The following EIF2AK4 variants were observed in gnomAD, a reference collection of about 807,000 sequenced individuals.
EIF2AK4 encodes the protein eIF-2-alpha kinase GCN2.
In EIF2AK4, 139 loss-of-function variants were observed where a neutral mutation model predicts 211.1. The ratio of observed to expected loss-of-function variants is 0.66; its 90% confidence interval spans 0.57 to 0.76. The LOEUF (loss-of-function observed/expected upper bound fraction) is 0.76, where lower values mean the gene tolerates loss of function less well. EIF2AK4 is among the 30% of genes least tolerant of loss of function. EIF2AK4 has a pLI of 0.00. For missense variants in EIF2AK4, 1,664 were observed against 2,043.8 expected (o/e 0.81, Z 3.58); for synonymous variants, 710 against 751.3 (o/e 0.94, Z 0.90).
In EIF2AK4 at chr15:39,973,593, T is replaced by A; in HGVS notation, c.1662T>A (p.Asp554Glu). 1 of 1,610,060 alleles carries A rather than the reference T, an allele frequency of 6.2e-7. No homozygotes were observed. Among genetic ancestry groups the A allele is most frequent in the Non-Finnish European group, 8.5e-7 (1 of 1,177,912 alleles). ...CTCTTACTCCCTGTTTTATCTCAGATTCTGAAGGACAAGATTATGTTGAGA... is the reference window on the plus strand; with the variant it reads ...CTCTTACTCCCTGTTTTATCTCAGAATCTGAAGGACAAGATTATGTTGAGA... ...KMPLVEQSPEDSEGQDYVETV... is the reference protein window; with the variant it reads ...KMPLVEQSPEESEGQDYVETV... The change falls in exon 11 of 39, where the codon GAT (aspartate) becomes GAA (glutamate). Residue 554 changes from aspartate (D) to glutamate (E), a missense_variant and splice_region_variant. Coordinates refer to ENST00000263791, the MANE Select transcript of EIF2AK4 (RefSeq NM_001013703.4).
In EIF2AK4 at chr15:40,003,420, C is replaced by T. The variant is rs937208232; in HGVS notation, c.3357+106C>T. ...CCCAGGCTTATATTATAAATGTCAC[C>T]TTTGGGAAATGTATTCTTGAGGAAG... On this transcript the variant is annotated intron_variant, in intron 23 of 38. Transcript: ENST00000263791. 4 of 1,492,574 alleles carry T rather than the reference C, an allele frequency of 2.7e-6. No homozygotes were observed. The African/African-American group carries it at 5.6e-5, about 21-fold the overall frequency. 92.5% of individuals were successfully genotyped at this position (1,492,574 alleles called of 1,614,324 possible). A position where few individuals can be genotyped will look rare whatever the true frequency, so the allele number is the denominator to read the frequency against.
At chr15:40,008,617 A>C (rs74349021) in intron 25 of EIF2AK4, among the ~76,000 whole-genome samples, 9,913 of 151,822 alleles carry the variant, frequency 0.065, 398 homozygotes, top group East Asian at 0.19. Flanking sequence ...TCCCCACCCC[A>C]CACACACACC....
At chr15:39,950,309 A>G (rs1048283660) in intron 4 of EIF2AK4, among the ~76,000 whole-genome samples, 3 of 152,230 alleles carry the variant, frequency 2.0e-5, no homozygotes, top group Non-Finnish European at 4.4e-5. Context: ...AGAAAAGTAT[A>G]CTGAGGCCAG....
chr15:40,030,366 T>C lies in EIF2AK4; in HGVS notation c.4569T>C (p.Phe1523=), dbSNP rs750622427. ...KGSFSNASGL[F]EIHGATVVPI... is the part of the protein sequence containing the mutation. ...AAACTCTCTTGGTCTCAGGTTTGTT[T>C]GAAATCCATGGAGCAACAGTGGTTC... Residue 1523 remains phenylalanine, a synonymous_variant, in exon 35 of 39, where the codon TTT becomes TTC. Transcript: ENST00000263791. The C allele has an allele frequency of 2.5e-6, 4 of 1,614,056 alleles. No homozygotes were observed. In the Admixed American group the frequency reaches 6.7e-5, roughly 27 times the overall value.
intron 7 of EIF2AK4, among the ~76,000 whole-genome samples, chr15:39,964,232 C>G (rs1363605890): frequency 6.6e-6 from 1 of 152,184 alleles, no homozygotes; most frequent in Non-Finnish European, 1.5e-5. Context: ...ACATCTTTAT[C>G]ATGTATATGC....
intron 13 of EIF2AK4, 70 bp downstream of exon 13, chr15:39,978,217 G>T: frequency 1.2e-6 from 1 of 851,108 alleles, no homozygotes; most frequent in South Asian, 2.2e-5. Context: ...ATAAACCTTA[G>T]GTAAAGTATT....
chr15:39,953,173 G>A (rs1268852991), intron 4 of EIF2AK4, among the ~76,000 whole-genome samples: 2 of 152,146 alleles, frequency 1.3e-5, no homozygotes, highest in East Asian at 1.9e-4. Flanking sequence ...TATTGTCCTT[G>A]TTGTTAGGAA....
At chr15:40,030,498 A>C in intron 35 of EIF2AK4, 42 bp downstream of exon 35, 2 of 1,526,036 alleles carry the variant, frequency 1.3e-6, no homozygotes, top group Non-Finnish European at 1.8e-6. Context: ...AATATGAGTT[A>C]CAGAAGAGAA....
chr15:39,990,514 G>C, intron 16 of EIF2AK4, 137 bp downstream of exon 16: 1 of 726,322 alleles, frequency 1.4e-6, no homozygotes, highest in Admixed American at 2.6e-5. Flanking sequence ...AACCTGAAGG[G>C]GTATGCTGCA....
chr15:40,032,845 A>C (rs1450103447), intron 37 of EIF2AK4, 44 bp downstream of exon 37: 3 of 1,562,094 alleles, frequency 1.9e-6, no homozygotes, highest in African/African-American at 1.4e-5. Context: ...TTAAGATCCC[A>C]AATCTTTGCT....
In EIF2AK4 at chr15:40,016,509, G is replaced by A. The variant is rs566634818; in HGVS notation, c.3767G>A (p.Arg1256Gln). Residue 1256 changes from arginine (R) to glutamine (Q), a missense_variant, in exon 28 of 39, where the codon CGA becomes CAA. Arg to Gln is a conservative substitution (Grantham distance 43). Coordinates refer to ENST00000263791, the MANE Select transcript of EIF2AK4 (RefSeq NM_001013703.4). Reference protein sequence around the residue: ...NLSLSSNSLCRLYKFIEQKGD... With the variant: ...NLSLSSNSLCQLYKFIEQKGD... ...TGCCCCTTTGCTTTCCAGCTGTGTC[G>A]ACTCTACAAGTTTATTGAACAGAAG... The A allele has an allele frequency of 4.2e-5, 68 of 1,613,990 alleles. No individual in the cohort carries two copies. Among genetic ancestry groups the A allele is most frequent in the African/African-American group, 6.7e-5 (5 of 75,024 alleles).
At chr15:39,973,561 C>T (rs1158068582) in intron 10 of EIF2AK4, 31 bp from the exon 11 acceptor site, 9 of 1,587,302 alleles carry the variant, frequency 5.7e-6, no homozygotes, top group Admixed American at 1.7e-5. Context: ...TCCAATGCCT[C>T]ATGTGCCTCT....
chr15:39,960,436 T>G (rs1441584667), intron 6 of EIF2AK4, among the ~76,000 whole-genome samples: 1 of 152,116 alleles, frequency 6.6e-6, no homozygotes, highest in East Asian at 1.9e-4. Flanking sequence ...ACTCACAGGT[T>G]TCTCACCTGT....
intron 23 of EIF2AK4, among the ~76,000 whole-genome samples, chr15:40,005,599 TCTCA>T (rs1378013226): frequency 1.3e-5 from 2 of 149,380 alleles, no homozygotes; most frequent in Non-Finnish European, 3.0e-5. Context: ...TGAGATGGAG[TCTCA>T]CTCTGTCTCT....
At chr15:39,974,006 T>G in intron 11 of EIF2AK4, 1 of 286,562 alleles carries the variant, frequency 3.5e-6, no homozygotes, top group East Asian at 6.2e-5. Flanking sequence ...ATAACAGCAC[T>G]TCAAGTGGAA....
At chr15:40,030,518 C>T in intron 35 of EIF2AK4, 62 bp downstream of exon 35, 1 of 1,444,818 alleles carries the variant, frequency 6.9e-7, no homozygotes, top group Non-Finnish European at 9.4e-7. Flanking sequence ...AAAACAACAA[C>T]AGGAAAGGAA....
chr15:40,010,280 T>C (rs1345237011), intron 26 of EIF2AK4, among the ~76,000 whole-genome samples: 1 of 152,178 alleles, frequency 6.6e-6, no homozygotes, highest in Non-Finnish European at 1.5e-5. Flanking sequence ...ATTCTTCCAG[T>C]CTGCCTGTGC....
chr15:39,943,349 C>CTTT, intron 2 of EIF2AK4, 34 bp from the exon 3 acceptor site: 1 of 1,117,342 alleles, frequency 8.9e-7, no homozygotes, highest in Non-Finnish European at 1.2e-6. Context: ...TCTGGAGTAA[C>CTTT]TCTTTTTTTT....
At chr15:39,961,656 A>C in intron 6 of EIF2AK4, 128 bp from the exon 7 acceptor site, 1 of 681,974 alleles carries the variant, frequency 1.5e-6, no homozygotes, top group South Asian at 1.9e-5. Flanking sequence ...TGGGCTAATA[A>C]ACAGTAATAA....
Sources: allele counts gnomAD v4.1 joint callset (sites outside exome capture counted in the v4.1 genomes callset), GRCh38; gene constraint gnomAD v4.1.1; transcripts MANE v1.5; gene names NCBI Gene and HGNC (gene_info 2026-07-23, HGNC 2026-07-21).